The following CAST variants were observed in gnomAD, a reference collection of about 807,000 sequenced individuals.
CAST encodes MIR583 host.
CAST carries 76 observed loss-of-function variants against 119.6 expected under a neutral mutation model. That is an observed-to-expected ratio of 0.64 (90% CI 0.53 to 0.77). CAST has a LOEUF of 0.77. CAST is among the 30% of genes least tolerant of loss of function. The pLI, the probability that CAST is intolerant of heterozygous loss-of-function variation, is 0.00. For synonymous variants in CAST, 319 were observed against 331.6 expected, an observed-to-expected ratio of 0.96 and a Z score of 0.41; for missense variants, 953 against 946.5, an observed-to-expected ratio of 1.01 and a Z score of -0.09.
At chr5:96,703,326 T>C (rs1754262840) in intron 3 of CAST, among the ~76,000 whole-genome samples, 1 of 152,056 alleles carries the variant, frequency 6.6e-6, no homozygotes, top group African/African-American at 2.4e-5. Flanking sequence ...ATAGATCTCC[T>C]CCTCCCCAGC....
the CAST span, among the ~76,000 whole-genome samples, chr5:96,291,354 A>G: frequency 6.6e-6 from 1 of 152,242 alleles, no homozygotes; most frequent in Admixed American, 6.5e-5. Context: ...GGCTTTGTCA[A>G]TAACCCCCTG....
chr5:96,401,259 A>G, the CAST span, among the ~76,000 whole-genome samples: 295 of 152,268 alleles, frequency 1.9e-3, no homozygotes, highest in African/African-American at 6.8e-3. Context: ...TGGGGGAGAA[A>G]TATTTGAGCT....
intron 1 of CAST, among the ~76,000 whole-genome samples, chr5:96,583,745 A>G (rs570454606): frequency 1.3e-5 from 2 of 152,348 alleles, no homozygotes; most frequent in Non-Finnish European, 2.9e-5. Context: ...AAGAAAAAGG[A>G]GATACCGTGT....
chr5:96,579,537 G>T (rs984617888), intron 1 of CAST, among the ~76,000 whole-genome samples: 1 of 152,130 alleles, frequency 6.6e-6, no homozygotes, highest in Non-Finnish European at 1.5e-5. Context: ...GCCAACTTGG[G>T]CTATCTTCTA....
chr5:96,490,606 A>G, the CAST span, among the ~76,000 whole-genome samples: 1 of 152,166 alleles, frequency 6.6e-6, no homozygotes. Flanking sequence ...AGACCCACAT[A>G]TATAAGAATA....
At chr5:96,747,531 G>C (rs541453339) in intron 18 of CAST, 139 bp downstream of exon 18, 2 of 539,204 alleles carry the variant, frequency 3.7e-6, no homozygotes, top group East Asian at 6.5e-5. Flanking sequence ...ACTTCTGATG[G>C]TAACACTTGG....
chr5:96,144,204 T>C, the CAST span, among the ~76,000 whole-genome samples: 1 of 152,198 alleles, frequency 6.6e-6, no homozygotes, highest in Non-Finnish European at 1.5e-5. Context: ...AAAGTTATCA[T>C]TAAGAATTTT....
the CAST span, among the ~76,000 whole-genome samples, chr5:96,031,436 A>G: frequency 1.3e-5 from 2 of 152,130 alleles, no homozygotes; most frequent in African/African-American, 4.8e-5. Context: ...TCATGACAAC[A>G]TTGAACTTAA....
At chr5:96,565,210 C>A (rs886332737) in intron 1 of CAST, among the ~76,000 whole-genome samples, 7 of 151,424 alleles carry the variant, frequency 4.6e-5, no homozygotes, top group African/African-American at 1.7e-4. Flanking sequence ...TAACTCTGAA[C>A]TTTCAAAACA....
At chr5:96,665,909 T>C (rs1376869019) in intron 1 of CAST, among the ~76,000 whole-genome samples, 1 of 143,144 alleles carries the variant, frequency 7.0e-6, no homozygotes, top group East Asian at 1.9e-4. Flanking sequence ...TGTCTGTCTG[T>C]ATGTACACAT....
chr5:96,037,505 GA>G, the CAST span, among the ~76,000 whole-genome samples: 3 of 152,122 alleles, frequency 2.0e-5, no homozygotes, highest in African/African-American at 7.2e-5. Flanking sequence ...TTTATTATGT[GA>G]GAAGAAAAAG....
chr5:96,611,365 A>C (rs547630065), intron 1 of CAST, among the ~76,000 whole-genome samples: 15 of 152,226 alleles, frequency 9.9e-5, no homozygotes, highest in African/African-American at 3.6e-4. Flanking sequence ...GATAAAGGAC[A>C]CCCTGTTCGA....
At chr5:96,137,570 A>G in the CAST span, among the ~76,000 whole-genome samples, 1 of 152,114 alleles carries the variant, frequency 6.6e-6, no homozygotes, top group African/African-American at 2.4e-5. Flanking sequence ...TTACCTTTGT[A>G]AAAAGCTGCC....
chr5:96,198,690 C>T, the CAST span, among the ~76,000 whole-genome samples: 1 of 152,188 alleles, frequency 6.6e-6, no homozygotes, highest in East Asian at 1.9e-4. Flanking sequence ...CATACACAAA[C>T]TAATCATTAT....
chr5:96,517,738 T>C, the CAST span, among the ~76,000 whole-genome samples: 1 of 152,212 alleles, frequency 6.6e-6, no homozygotes, highest in African/African-American at 2.4e-5. Context: ...CATCAGCTAC[T>C]AAAATACTAT....
intron 3 of CAST, among the ~76,000 whole-genome samples, chr5:96,712,816 C>T (rs1386453954): frequency 1.3e-5 from 2 of 152,074 alleles, no homozygotes; most frequent in Non-Finnish European, 2.9e-5. Flanking sequence ...AACCTTGTTA[C>T]AGTTCTCATG....
At chr5:96,661,494 C>T (rs1056174604), upstream of CAST, among the ~76,000 whole-genome samples, 1 of 150,730 alleles carries the variant, frequency 6.6e-6, no homozygotes, top group Non-Finnish European at 1.5e-5. Context: ...CTGCAGAAAG[C>T]GGTGACCCCA....
At chr5:96,701,663 G>A (rs1753904320) in intron 3 of CAST, among the ~76,000 whole-genome samples, 1 of 152,024 alleles carries the variant, frequency 6.6e-6, no homozygotes, top group Admixed American at 6.6e-5. Context: ...AAATTAGCTA[G>A]GTGTGGTGGT....
At chr5:96,691,286 G>A (rs985143620) in intron 2 of CAST, among the ~76,000 whole-genome samples, 3 of 152,128 alleles carry the variant, frequency 2.0e-5, no homozygotes, top group Middle Eastern at 3.4e-3. Flanking sequence ...TCACAATATC[G>A]CATACTCTAA....
Sources: allele counts gnomAD v4.1 joint callset (sites outside exome capture counted in the v4.1 genomes callset), GRCh38; gene constraint gnomAD v4.1.1; transcripts MANE v1.5; gene names NCBI Gene and HGNC (gene_info 2026-07-23, HGNC 2026-07-21).